GNL2: variants seen among roughly 807,000 people sequenced by gnomAD.
GNL2 encodes the protein nucleolar GTP-binding protein 2.
A neutral mutation model predicts 92.3 loss-of-function variants in GNL2; 51 were observed. The observed-to-expected ratio is 0.55, with a 90% CI of 0.44 to 0.70. The LOEUF is 0.70. Among genes scored for constraint, GNL2 ranks in the 30% least tolerant of loss-of-function variants. The probability of loss-of-function intolerance (pLI) is 0.00; values close to 1 mark genes in which losing one functional copy is unlikely to be tolerated. For synonymous variants in GNL2, 283 were observed against 300.6 expected (o/e 0.94, Z 0.61); for missense variants, 844 against 895.6 (o/e 0.94, Z 0.74).
chr1:37,568,724 C>T, intron 13 of GNL2, 127 bp downstream of exon 13: 1 of 749,592 alleles, frequency 1.3e-6, no homozygotes. Context: ...AAAAAACAAA[C>T]AAACAAAAAA....
At chr1:37,573,893 A>C (rs1406224268) in intron 12 of GNL2, among the ~76,000 whole-genome samples, 1 of 152,000 alleles carries the variant, frequency 6.6e-6, no homozygotes, top group African/African-American at 2.4e-5. Flanking sequence ...ACCCTCAAAA[A>C]AATTTTTTTT....
intron 12 of GNL2, chr1:37,569,965 G>A (rs1643569796): frequency 6.6e-6 from 1 of 152,264 alleles, no homozygotes; most frequent in South Asian, 2.1e-4. Context: ...CTGATGCCAT[G>A]TAAGACATGC....
intron 1 of GNL2, among the ~76,000 whole-genome samples, chr1:37,594,594 T>C (rs1399729614): frequency 1.3e-5 from 2 of 152,094 alleles, no homozygotes; most frequent in African/African-American, 2.4e-5. Context: ...CAGGCTGGAG[T>C]GCAGTGTCGC....
At chr1:37,587,896 C>T (rs867676206) in intron 4 of GNL2, among the ~76,000 whole-genome samples, 39 of 152,050 alleles carry the variant, frequency 2.6e-4, no homozygotes, top group African/African-American at 8.7e-4. Context: ...GCATAAAATT[C>T]GCCAAATTCA....
intron 9 of GNL2, chr1:37,576,135 G>C: frequency 5.9e-6 from 2 of 337,504 alleles, no homozygotes; most frequent in South Asian, 4.1e-5. Flanking sequence ...AAATATTCTT[G>C]GGTTAGTTTT....
At chr1:37,567,091 A>G in intron 15 of GNL2, 84 bp from the exon 16 acceptor site, 1 of 1,387,130 alleles carries the variant, frequency 7.2e-7, no homozygotes. Context: ...TCTGCTTCTC[A>G]TCTCTGTGTT....
At chr1:37,580,823 G>C (rs775900427) in intron 8 of GNL2, among the ~76,000 whole-genome samples, 1 of 152,194 alleles carries the variant, frequency 6.6e-6, no homozygotes, top group Non-Finnish European at 1.5e-5. Context: ...TAAAAGCTTC[G>C]ATCAGAAAGG....
chr1:37,583,417 C>T (rs1482442363), intron 6 of GNL2: 1 of 158,752 alleles, frequency 6.3e-6, no homozygotes, highest in Non-Finnish European at 1.4e-5. Flanking sequence ...AAACCTCTGC[C>T]GGTTAAAGAT....
At chr1:37,573,274 A>G (rs1451010515) in intron 12 of GNL2, among the ~76,000 whole-genome samples, 1 of 152,246 alleles carries the variant, frequency 6.6e-6, no homozygotes, top group African/African-American at 2.4e-5. Flanking sequence ...TGCAACTGCA[A>G]CTTGGAATGG....
rs750589653 is a variant in GNL2 at position 37,576,474 on chromosome 1, C to T, written c.992G>A (p.Arg331His). 1.1e-5 allele frequency: 18 copies of T among 1,613,820 alleles called. 1 individual carries two copies. Among genetic ancestry groups the T allele is most frequent in the South Asian group, 7.7e-5 (7 of 91,086 alleles). ...AGCCACGTTGCAAACTTTCTTAGAA[C>T]GCAATGTATTTATCACAGAGCTCTT... ...VGKSSVINTL[R>H]SKKVCNVAPI... The change falls in exon 9 of 16, where the codon CGT becomes CAT. Residue 331 changes from arginine to histidine, a missense_variant. By Grantham distance (29) the Arg-to-His change is conservative. Transcript: ENST00000373062.
intron 5 of GNL2, among the ~76,000 whole-genome samples, chr1:37,585,485 T>C (rs1643837448): frequency 6.6e-6 from 1 of 152,186 alleles, no homozygotes; most frequent in Admixed American, 6.5e-5. Flanking sequence ...CAACCTATAC[T>C]CCATAGCTCC....
intron 5 of GNL2, 32 bp from the exon 6 acceptor site, chr1:37,583,965 G>A (rs61776195): frequency 0.067 from 78,526 of 1,178,062 alleles, 3,204 homozygotes; most frequent in South Asian, 0.14. Context: ...ATGAGCAACT[G>A]AAGCACCATC....
intron 8 of GNL2, 73 bp downstream of exon 8, chr1:37,582,150 G>T: frequency 1.0e-6 from 1 of 1,003,450 alleles, no homozygotes. Context: ...TTTCTGCTAT[G>T]CCATGGCAAG....
At chr1:37,576,022 T>C (rs1268773061) in intron 9 of GNL2, 3 of 308,088 alleles carry the variant, frequency 9.7e-6, no homozygotes, top group Non-Finnish European at 1.2e-5. Context: ...CTTGACCTCA[T>C]TGCCTTTAAG....
chr1:37,587,355 G>A lies in GNL2; in HGVS notation c.525C>T (p.Asp175=). The A allele has an allele frequency of 6.2e-7, 1 of 1,612,862 alleles. No individual in the cohort carries two copies. Among genetic ancestry groups the A allele is most frequent in the Non-Finnish European group, 8.5e-7 (1 of 1,179,400 alleles). ...ENAEMSTESY[D]QGKDRDLVTE... Reference sequence around the variant, plus strand: ...TTACCAAATCACGATCCTTGCCCTGGTCATAGCTCTCAGTGGACATTTCAG... The same window carrying A: ...TTACCAAATCACGATCCTTGCCCTGATCATAGCTCTCAGTGGACATTTCAG... The change falls in exon 5 of 16, where the codon GAC becomes GAT. Residue 175 remains aspartate, a synonymous_variant. Transcript: ENST00000373062.
intron 8 of GNL2, chr1:37,581,232 T>C (rs1259220783): frequency 7.6e-6 from 3 of 395,650 alleles, no homozygotes; most frequent in Non-Finnish European, 1.5e-5. Flanking sequence ...CTAATGGCTA[T>C]TGGAAGCATT....
At chr1:37,569,566 G>A in intron 12 of GNL2, 1 of 377,034 alleles carries the variant, frequency 2.7e-6, no homozygotes, top group South Asian at 4.0e-5. Flanking sequence ...ACCAACCAAT[G>A]ATTTATCATA....
At chr1:37,589,298 CTATTT>C (rs1570071604) in intron 4 of GNL2, among the ~76,000 whole-genome samples, 1 of 152,132 alleles carries the variant, frequency 6.6e-6, no homozygotes, top group African/African-American at 2.4e-5. Context: ...TTTCTTTGAA[CTATTT>C]TATTTTTATT....
At chr1:37,583,368 A>G (rs1293989226) in intron 6 of GNL2, 2 of 157,568 alleles carry the variant, frequency 1.3e-5, no homozygotes, top group Non-Finnish European at 2.8e-5. Context: ...TTATACTTGA[A>G]AATTTTTCTT....
Sources: allele counts gnomAD v4.1 joint callset (sites outside exome capture counted in the v4.1 genomes callset), GRCh38; gene constraint gnomAD v4.1.1; transcripts MANE v1.5; gene names NCBI Gene and HGNC (gene_info 2026-07-23, HGNC 2026-07-21).